The following B3GALT1 variants were observed in gnomAD, a reference collection of about 807,000 sequenced individuals.
The protein encoded by B3GALT1 is UDP-Gal:betaGlcNAc beta 1,3-galactosyltransferase, polypeptide 1.
In B3GALT1, 10 loss-of-function variants were observed where a neutral mutation model predicts 23.2. The ratio of observed to expected loss-of-function variants is 0.43; its 90% CI spans 0.27 to 0.73. B3GALT1 has a LOEUF of 0.73. Among genes scored for constraint, B3GALT1 ranks in the 30% least tolerant of loss-of-function variants. B3GALT1 has a pLI of 0.21. For synonymous variants in B3GALT1, 156 were observed against 141.5 expected (o/e 1.10, Z -0.73); for missense variants, 299 against 405.4 (o/e 0.74, Z 2.25).
intron 2 of B3GALT1, among the ~76,000 whole-genome samples, chr2:167,531,082 T>C (rs1338949577): frequency 6.6e-6 from 1 of 152,234 alleles, no homozygotes; most frequent in Non-Finnish European, 1.5e-5. Context: ...CTTTAAATAC[T>C]GTTTCATTCT....
At chr2:167,798,866 C>T (rs144928485) in intron 3 of B3GALT1, among the ~76,000 whole-genome samples, 3 of 152,280 alleles carry the variant, frequency 2.0e-5, no homozygotes, top group East Asian at 3.9e-4. Flanking sequence ...CGTTATACCA[C>T]TAAATTACAG....
intron 1 of B3GALT1, among the ~76,000 whole-genome samples, chr2:167,432,558 G>A (rs981157639): frequency 2.4e-4 from 37 of 152,140 alleles, no homozygotes; most frequent in African/African-American, 6.8e-4. Context: ...TTTAGATTGG[G>A]TTTTAAAAGA....
At chr2:167,862,921 T>C (rs1690132745) in intron 4 of B3GALT1, 1 of 152,166 alleles carries the variant, frequency 6.6e-6, no homozygotes, top group Non-Finnish European at 1.5e-5. Flanking sequence ...GTAAGGCCCC[T>C]GGGGAAAAAG....
At chr2:167,736,809 C>T (rs1036324800) in intron 3 of B3GALT1, among the ~76,000 whole-genome samples, 4 of 152,128 alleles carry the variant, frequency 2.6e-5, no homozygotes, top group African/African-American at 9.7e-5. Context: ...TGGTGCATGC[C>T]TGTAATTCCA....
chr2:167,445,258 A>G (rs1292776938), intron 1 of B3GALT1, among the ~76,000 whole-genome samples: 4 of 152,128 alleles, frequency 2.6e-5, no homozygotes, highest in African/African-American at 9.7e-5. Flanking sequence ...GTTCTTTTAC[A>G]TTTGCTGAGG....
intron 2 of B3GALT1, among the ~76,000 whole-genome samples, chr2:167,537,819 C>T (rs1194954961): frequency 1.4e-5 from 2 of 145,362 alleles, no homozygotes; most frequent in Non-Finnish European, 3.0e-5. Context: ...TTCCTGGATG[C>T]TTGTTCTTTT....
At chr2:167,455,447 A>G (rs1238341811) in intron 1 of B3GALT1, among the ~76,000 whole-genome samples, 1 of 152,126 alleles carries the variant, frequency 6.6e-6, no homozygotes, top group Non-Finnish European at 1.5e-5. Flanking sequence ...TAAAAGTGCC[A>G]TTTCTCCATC....
At chr2:167,570,175 A>T (rs1684263985) in intron 2 of B3GALT1, among the ~76,000 whole-genome samples, 1 of 151,852 alleles carries the variant, frequency 6.6e-6, no homozygotes, top group Non-Finnish European at 1.5e-5. Flanking sequence ...TGCTGGCCTC[A>T]TGGAATGGGT....
intron 1 of B3GALT1, among the ~76,000 whole-genome samples, chr2:167,351,955 A>T (rs1472562049): frequency 6.0e-5 from 8 of 134,292 alleles, no homozygotes; most frequent in African/African-American, 2.5e-4. Context: ...GCTGTTTTTG[A>T]TTTTTTTTTT....
intron 1 of B3GALT1, among the ~76,000 whole-genome samples, chr2:167,334,792 T>C (rs1232506002): frequency 3.3e-5 from 5 of 152,148 alleles, no homozygotes; most frequent in Non-Finnish European, 7.4e-5. Context: ...AACCAAAAGT[T>C]TATTTATATA....
chr2:167,791,161 G>A (rs1688432262), intron 3 of B3GALT1, among the ~76,000 whole-genome samples: 1 of 152,048 alleles, frequency 6.6e-6, no homozygotes, highest in Non-Finnish European at 1.5e-5. Flanking sequence ...CTATAGATAG[G>A]CATTATCATC....
chr2:167,359,064 T>G (rs1279924123), intron 1 of B3GALT1, among the ~76,000 whole-genome samples: 1 of 152,122 alleles, frequency 6.6e-6, no homozygotes, highest in Non-Finnish European at 1.5e-5. Flanking sequence ...CCTCCCAAAG[T>G]GCTGGGATTA....
chr2:167,308,571 T>G (rs1406263813), intron 1 of B3GALT1, among the ~76,000 whole-genome samples: 1 of 152,012 alleles, frequency 6.6e-6, no homozygotes, highest in Non-Finnish European at 1.5e-5. Context: ...ATGTAGTCAG[T>G]TGAAAAATGA....
At chr2:167,569,560 T>C (rs1684253700) in intron 2 of B3GALT1, among the ~76,000 whole-genome samples, 1 of 151,868 alleles carries the variant, frequency 6.6e-6, no homozygotes, top group African/African-American at 2.4e-5. Flanking sequence ...TCTGGAAGTT[T>C]TTTGTTGATT....
chr2:167,614,015 C>G (rs1241203911), intron 2 of B3GALT1, among the ~76,000 whole-genome samples: 2 of 151,566 alleles, frequency 1.3e-5, no homozygotes, highest in Non-Finnish European at 3.0e-5. Flanking sequence ...GAACACTACT[C>G]TCGTTTAATA....
At chr2:167,648,191 G>C (rs1414189451) in intron 3 of B3GALT1, among the ~76,000 whole-genome samples, 1 of 151,974 alleles carries the variant, frequency 6.6e-6, no homozygotes, top group Non-Finnish European at 1.5e-5. Flanking sequence ...CAAATTTTCA[G>C]TTCATTATAA....
intron 2 of B3GALT1, among the ~76,000 whole-genome samples, chr2:167,635,738 A>G (rs1401197376): frequency 6.6e-6 from 1 of 152,172 alleles, no homozygotes; most frequent in Admixed American, 6.6e-5. Flanking sequence ...ATGGATAGGA[A>G]GAATCAATAT....
chr2:167,728,931 T>C (rs1203457357), intron 3 of B3GALT1, among the ~76,000 whole-genome samples: 1 of 152,196 alleles, frequency 6.6e-6, no homozygotes, highest in East Asian at 1.9e-4. Context: ...AATACACAAA[T>C]GGAAATGCTT....
At chr2:167,333,331 C>T (rs963282543) in intron 1 of B3GALT1, among the ~76,000 whole-genome samples, 4 of 152,272 alleles carry the variant, frequency 2.6e-5, no homozygotes, top group South Asian at 2.1e-4. Flanking sequence ...CAACTGGTGC[C>T]GACAGGTGCC....
Sources: gnomAD v4.1 joint callset for allele counts (sites outside exome capture counted in the v4.1 genomes callset) on GRCh38, gnomAD v4.1.1 for gene constraint, MANE v1.5 for transcripts, NCBI Gene and HGNC (gene_info 2026-07-23, HGNC 2026-07-21) for gene names.